The following ERCC6 variants were observed in gnomAD, a reference collection of about 807,000 sequenced individuals.
The protein encoded by ERCC6 is DNA excision repair protein ERCC-6.
ERCC6 carries 116 observed loss-of-function variants against 158.7 expected under a neutral mutation model. The observed-to-expected ratio is 0.73, with a 90% CI of 0.63 to 0.85. ERCC6 has a LOEUF of 0.85. Among genes scored for constraint, ERCC6 ranks in the 40% least tolerant of loss-of-function variants. The probability of loss-of-function intolerance (pLI) is 0.00; values close to 1 mark genes in which losing one functional copy is unlikely to be tolerated. For missense variants in ERCC6, 1,698 were observed against 1,799.4 expected (o/e 0.94, Z 1.02); for synonymous variants, 678 against 659.3 (o/e 1.03, Z -0.43).
chr10:49,516,515 C>T, intron 5 of ERCC6: 1 of 1,614,174 alleles, frequency 6.2e-7, no homozygotes, highest in South Asian at 1.1e-5. Flanking sequence ...GTTCCCAAAA[C>T]ATACGCCTTC....
At position 49,500,672 on chromosome 10, in the gene ERCC6, C is replaced by T. The variant is rs1554790012; in HGVS notation, c.1551G>A (p.Trp517Ter). The change falls in exon 7 of 21, where the codon TGG becomes TGA. Residue 517 changes from tryptophan (W) to a stop codon, truncating the protein, a stop_gained. Coordinates refer to ENST00000355832, the MANE Select transcript of ERCC6 (RefSeq NM_000124.4). LOFTEE classifies it high-confidence loss of function. Reference sequence around the variant, plus strand: ...CCTGCTGGCAGTGCAATTCCCACAGCCACCTAACACCTGTCTGCTGGTACC... The same window carrying T: ...CCTGCTGGCAGTGCAATTCCCACAGTCACCTAACACCTGTCTGCTGGTACC... ...LFKYQQTGVR[W>*]LWELHCQQAG... is the part of the protein sequence containing the mutation. 6.2e-7 allele frequency: 1 copy of T among 1,613,784 alleles called. No homozygotes were observed.
chr10:49,532,612 T>A lies in ERCC6; in HGVS notation c.353A>T (p.His118Leu). 1 of 1,614,224 alleles carries A rather than the reference T, an allele frequency of 6.2e-7. No homozygotes were observed. The highest frequency in any genetic ancestry group is 1.1e-5 in the South Asian group (1 of 91,082). ...GVLQQVDNAIHEASRASQLVD... is the reference protein window; with the variant it reads ...GVLQQVDNAILEASRASQLVD... ...GAGCTGGGAGGCACGGCTGGCCTCA[T>A]GGATGGCATTGTCCACCTGCTGAAG... is the stretch of plus-strand genomic sequence containing the variant. The change falls in exon 2 of 21, where the codon CAT becomes CTT. Residue 118 changes from histidine (H) to leucine (L), a missense_variant. His to Leu is a moderately conservative substitution (Grantham distance 99). Transcript: ENST00000355832.
At chr10:49,517,000 C>T (rs1205795494) in intron 5 of ERCC6, 1 of 1,613,866 alleles carries the variant, frequency 6.2e-7, no homozygotes, top group African/African-American at 1.3e-5. Flanking sequence ...GATTCCTCAT[C>T]AGAAACAGGT....
At chr10:49,437,238 G>A in the ERCC6 span, among the ~76,000 whole-genome samples, 7 of 152,148 alleles carry the variant, frequency 4.6e-5, no homozygotes, top group Non-Finnish European at 8.8e-5. Flanking sequence ...GTGGAACTGT[G>A]AGTCCATTAA....
At position 49,537,912 on chromosome 10, in the gene ERCC6, G is replaced by A. The variant is rs1837640818; in HGVS notation, c.-15+1050C>T. Among the ~76,000 whole-genome samples, 3 of 152,294 alleles carry A rather than the reference G, an allele frequency of 2.0e-5. No homozygotes were observed. In the South Asian group the frequency reaches 6.2e-4, roughly 32 times the overall value. On this transcript the variant is annotated intron_variant, in intron 1 of 20. Coordinates refer to ENST00000355832, the MANE Select transcript of ERCC6 (RefSeq NM_000124.4). ...TAATTTTTCGTATTTAGTAAAGACAGGGTTTCACCACGTTGGTAAGGCTGG... is the reference window on the plus strand; with the variant it reads ...TAATTTTTCGTATTTAGTAAAGACAAGGTTTCACCACGTTGGTAAGGCTGG...
chr10:49,483,518 T>G lies in ERCC6; in HGVS notation c.1822-2A>C. ...AGCAACATCTCGAATTAGTTTCTCCTGAGACCACAATAAAATGGTAAAGTC... is the reference window on the plus strand; with the variant it reads ...AGCAACATCTCGAATTAGTTTCTCCGGAGACCACAATAAAATGGTAAAGTC... On this transcript the variant is annotated splice_acceptor_variant, in intron 8 of 20. Transcript: ENST00000355832. LOFTEE classifies it high-confidence loss of function. 6.2e-7 allele frequency: 1 copy of G among 1,613,946 alleles called. No homozygotes were observed. The highest frequency in any genetic ancestry group is 8.5e-7 in the Non-Finnish European group (1 of 1,179,924).
At chr10:49,522,263 A>T (rs1837186847) in intron 5 of ERCC6, among the ~76,000 whole-genome samples, 1 of 152,242 alleles carries the variant, frequency 6.6e-6, no homozygotes, top group African/African-American at 2.4e-5. Flanking sequence ...GTAACAAAAT[A>T]TAGAGAGACT....
At chr10:49,533,078 G>A (rs889475751) in intron 1 of ERCC6, 100 bp from the exon 2 acceptor site, 2 of 1,366,756 alleles carry the variant, frequency 1.5e-6, no homozygotes, top group African/African-American at 1.5e-5. Flanking sequence ...AAAAGATCAA[G>A]TAATAATCTT....
chr10:49,535,004 C>A (rs920625826), intron 1 of ERCC6, among the ~76,000 whole-genome samples: 1 of 152,106 alleles, frequency 6.6e-6, no homozygotes, highest in Non-Finnish European at 1.5e-5. Context: ...GAGCATCGAG[C>A]GAACTATATA....
chr10:49,451,370 G>C (rs537301026), downstream of ERCC6, among the ~76,000 whole-genome samples: 1 of 152,032 alleles, frequency 6.6e-6, no homozygotes, highest in Admixed American at 6.5e-5. Context: ...ATCTCAGTGG[G>C]AAAGCATTCA....
rs4253197 is a variant in ERCC6 at position 49,473,111 on chromosome 10, A to G, written c.2710-83T>C. Reference sequence around the variant, plus strand: ...GCCTCTGCCTCCACATATTGTACACATGGAATTACTGGGCTGTTCCCAATA... The same window carrying G: ...GCCTCTGCCTCCACATATTGTACACGTGGAATTACTGGGCTGTTCCCAATA... On this transcript the variant is annotated intron_variant, in intron 14 of 20. Transcript: ENST00000355832. 9,758 of 1,587,752 alleles carry G rather than the reference A, an allele frequency of 6.1e-3. 459 individuals are homozygous for G. In the African/African-American group the frequency reaches 0.11, roughly 18 times the overall value.
At chr10:49,450,256 G>A (rs935788279), downstream of ERCC6, among the ~76,000 whole-genome samples, 5 of 152,202 alleles carry the variant, frequency 3.3e-5, no homozygotes, top group African/African-American at 9.6e-5. Flanking sequence ...TTGTTGAAAA[G>A]ACTGTTCTTT....
intron 7 of ERCC6, among the ~76,000 whole-genome samples, chr10:49,498,494 G>C (rs1851302867): frequency 6.6e-6 from 1 of 152,186 alleles, no homozygotes; most frequent in South Asian, 2.1e-4. Flanking sequence ...TGGTACATAT[G>C]AGCGGGGGGG....
At chr10:49,521,652 C>CCT (rs1190416599) in intron 5 of ERCC6, among the ~76,000 whole-genome samples, 1 of 152,126 alleles carries the variant, frequency 6.6e-6, no homozygotes, top group Non-Finnish European at 1.5e-5. Flanking sequence ...GGTATGAAAA[C>CCT]CAGGGAACCC....
rs767885298 is a variant in ERCC6, at chr10:49,515,294, T to C, written c.1397+8739A>G. On this transcript the variant is annotated intron_variant, in intron 5 of 20. Coordinates refer to ENST00000355832, the MANE Select transcript of ERCC6 (RefSeq NM_000124.4). ...CCACTGCTACACTGTACATAATGTA[T>C]AAAACTATGTTTCTTATCTCAGGAG... is the stretch of plus-strand genomic sequence containing the variant. 5 of 1,569,642 alleles carry C rather than the reference T, an allele frequency of 3.2e-6. No homozygotes were observed. The African/African-American group carries it at 4.1e-5, about 13-fold the overall frequency.
In ERCC6 at chr10:49,472,489, G is replaced by C; in HGVS notation, c.2830-19C>G. 1 of 1,603,736 alleles carries C rather than the reference G, an allele frequency of 6.2e-7. No homozygotes were observed. Among genetic ancestry groups the C allele is most frequent in the Non-Finnish European group, 8.5e-7 (1 of 1,170,988 alleles). On this transcript the variant is annotated intron_variant, in intron 15 of 20. Coordinates refer to ENST00000355832, the MANE Select transcript of ERCC6 (RefSeq NM_000124.4). ...CCCGGGCCTGCAACAGAGAGAGAGAGACCTCTCAACGAGAATCCTTCCCAA... is the reference window on the plus strand; with the variant it reads ...CCCGGGCCTGCAACAGAGAGAGAGACACCTCTCAACGAGAATCCTTCCCAA...
intron 18 of ERCC6, among the ~76,000 whole-genome samples, chr10:49,464,975 C>T (rs1439123606): frequency 6.6e-6 from 1 of 152,198 alleles, no homozygotes; most frequent in Non-Finnish European, 1.5e-5. Context: ...ACTGGGGCAC[C>T]ACCTAGTGGA....
chr10:49,485,209 C>T (rs966920807), intron 8 of ERCC6, among the ~76,000 whole-genome samples: 2 of 152,198 alleles, frequency 1.3e-5, no homozygotes, highest in African/African-American at 2.4e-5. Flanking sequence ...GGGGCCATCA[C>T]TAACCCCATT....
At chr10:49,511,651 A>G (rs572801370) in intron 5 of ERCC6, among the ~76,000 whole-genome samples, 6 of 152,194 alleles carry the variant, frequency 3.9e-5, no homozygotes, top group Non-Finnish European at 8.8e-5. Flanking sequence ...GTCTCAGACT[A>G]CTGACCTCAA....
Sources: allele counts gnomAD v4.1 joint callset (sites outside exome capture counted in the v4.1 genomes callset), GRCh38; gene constraint gnomAD v4.1.1; transcripts MANE v1.5; gene names NCBI Gene and HGNC (gene_info 2026-07-23, HGNC 2026-07-21).